The following PGCKA1 variants were observed in gnomAD, a reference collection of about 807,000 sequenced individuals.
PGCKA1 encodes PDCD10 and GCKIII kinases associated 1, also known as PDCD10 and GCKIII kinases-associated protein 1.
At chr4:37,543,114 T>C in the PGCKA1 span, among the ~76,000 whole-genome samples, 1 of 152,196 alleles carries the variant, frequency 6.6e-6, no homozygotes, top group East Asian at 1.9e-4. Context: ...CATTTTTCTT[T>C]TCTCAAACGA....
At chr4:37,524,871 T>G in the PGCKA1 span, among the ~76,000 whole-genome samples, 1 of 151,774 alleles carries the variant, frequency 6.6e-6, no homozygotes, top group Admixed American at 6.6e-5. Context: ...GTTCAAGAAG[T>G]GTAATGCGCA....
At chr4:37,525,451 T>A in the PGCKA1 span, among the ~76,000 whole-genome samples, 1 of 152,132 alleles carries the variant, frequency 6.6e-6, no homozygotes, top group Admixed American at 6.5e-5. Context: ...CCTGCCAGGA[T>A]ATAATGAAAG....
the PGCKA1 span, among the ~76,000 whole-genome samples, chr4:37,587,925 C>T: frequency 7.0e-3 from 1,071 of 152,004 alleles, 4 homozygotes; most frequent in Non-Finnish European, 0.011. Context: ...GCCGAGATTG[C>T]GCCACTGCAC....
chr4:37,472,153 G>A, the PGCKA1 span, among the ~76,000 whole-genome samples: 5 of 152,166 alleles, frequency 3.3e-5, no homozygotes, highest in Non-Finnish European at 5.9e-5. Flanking sequence ...TAGGACTTGC[G>A]ACAGTCATGC....
At chr4:37,459,127 G>T in the PGCKA1 span, among the ~76,000 whole-genome samples, 2 of 151,948 alleles carry the variant, frequency 1.3e-5, no homozygotes, top group Admixed American at 1.3e-4. Flanking sequence ...AGTATTATAC[G>T]GCTCAGAGTT....
chr4:37,453,349 C>T, the PGCKA1 span, among the ~76,000 whole-genome samples: 21,745 of 151,994 alleles, frequency 0.14, 2,017 homozygotes, highest in South Asian at 0.2. Context: ...ACCAGGAGTT[C>T]ATTGAACTCC....
At chr4:37,582,766 C>T in the PGCKA1 span, among the ~76,000 whole-genome samples, 29 of 152,250 alleles carry the variant, frequency 1.9e-4, 1 homozygote, top group South Asian at 4.8e-3. Flanking sequence ...TTGGTTAAGG[C>T]GCTGTATGCC....
At chr4:37,536,223 C>T in the PGCKA1 span, among the ~76,000 whole-genome samples, 1 of 152,162 alleles carries the variant, frequency 6.6e-6, no homozygotes, top group African/African-American at 2.4e-5. Flanking sequence ...GGGCCAAAAG[C>T]TTTCACAGAG....
chr4:37,549,956 G>T, the PGCKA1 span, among the ~76,000 whole-genome samples: 1 of 152,138 alleles, frequency 6.6e-6, no homozygotes, highest in Non-Finnish European at 1.5e-5. Context: ...GTACAGTAAG[G>T]ACTTCAACTG....
chr4:37,492,389 C>T, the PGCKA1 span, among the ~76,000 whole-genome samples: 1 of 152,198 alleles, frequency 6.6e-6, no homozygotes, highest in African/African-American at 2.4e-5. This position sits in a 1 kb window ranked among gnomAD's most constrained non-coding sequence, Gnocchi z 4.7. Context: ...TGAGGAGGTG[C>T]TCAGCCTCAC....
At chr4:37,461,610 T>C in the PGCKA1 span, among the ~76,000 whole-genome samples, 1 of 151,956 alleles carries the variant, frequency 6.6e-6, no homozygotes, top group Admixed American at 6.6e-5. Flanking sequence ...GCCACAGGTA[T>C]GAAAGCAAGT....
At chr4:37,505,583 A>G in the PGCKA1 span, among the ~76,000 whole-genome samples, 1 of 152,230 alleles carries the variant, frequency 6.6e-6, no homozygotes, top group Non-Finnish European at 1.5e-5. Flanking sequence ...GGTGGAAGGC[A>G]AGGAGGAGCA....
the PGCKA1 span, among the ~76,000 whole-genome samples, chr4:37,543,873 T>C: frequency 5.9e-5 from 9 of 151,960 alleles, no homozygotes; most frequent in Non-Finnish European, 1.0e-4. Context: ...TCTTAGCTTC[T>C]CCAATCTGAA....
the PGCKA1 span, among the ~76,000 whole-genome samples, chr4:37,528,642 A>G: frequency 1.3e-5 from 2 of 152,232 alleles, no homozygotes; most frequent in Admixed American, 6.5e-5. Flanking sequence ...CTCTTTTGCA[A>G]TTGCCCAGAG....
the PGCKA1 span, among the ~76,000 whole-genome samples, chr4:37,542,557 C>T: frequency 7.3e-6 from 1 of 136,328 alleles, no homozygotes; most frequent in Non-Finnish European, 1.6e-5. Context: ...TCCAATAGAA[C>T]TTTCTGTAAT....
the PGCKA1 span, among the ~76,000 whole-genome samples, chr4:37,469,732 A>G: frequency 6.6e-6 from 1 of 152,184 alleles, no homozygotes; most frequent in Non-Finnish European, 1.5e-5. Flanking sequence ...TCGGACTTAT[A>G]TTATTCTTGG....
chr4:37,513,336 C>T, the PGCKA1 span, among the ~76,000 whole-genome samples: 2 of 152,340 alleles, frequency 1.3e-5, no homozygotes, highest in Non-Finnish European at 1.5e-5. Flanking sequence ...GACTGAGTGG[C>T]TTAAACAATG....
chr4:37,518,438 C>T, the PGCKA1 span, among the ~76,000 whole-genome samples: 31,032 of 152,022 alleles, frequency 0.2, 3,909 homozygotes, highest in African/African-American at 0.35. Flanking sequence ...CATTTCTTAT[C>T]GCCTGTCTTT....
chr4:37,464,260 C>A, the PGCKA1 span, among the ~76,000 whole-genome samples: 1 of 152,198 alleles, frequency 6.6e-6, no homozygotes, highest in Non-Finnish European at 1.5e-5. Flanking sequence ...TCAGGCCTGG[C>A]TGCCCCAGAA....
Sources: gnomAD v4.1 joint callset for allele counts (sites outside exome capture counted in the v4.1 genomes callset) on GRCh38, gnomAD v4.1.1 for gene constraint, Gnocchi (gnomAD v3.1) non-coding constraint, MANE v1.5 for transcripts, NCBI Gene and HGNC (gene_info 2026-07-23, HGNC 2026-07-21) for gene names.